The following NEO1 variants were observed in gnomAD, a reference collection of about 807,000 sequenced individuals.
NEO1 encodes the protein neogenin 1.
Under a neutral mutation model 159.7 loss-of-function variants are expected in NEO1, and 63 were observed. The ratio of observed to expected loss-of-function variants is 0.39; its 90% confidence interval spans 0.32 to 0.49. The LOEUF (loss-of-function observed/expected upper bound fraction) is 0.49, where lower values mean the gene tolerates loss of function less well. Among genes scored for constraint, NEO1 ranks in the 20% least tolerant of loss-of-function variants. The probability of loss-of-function intolerance (pLI) is 0.85; values close to 1 mark genes in which losing one functional copy is unlikely to be tolerated. For synonymous variants in NEO1, 633 were observed against 662.0 expected, an observed-to-expected ratio of 0.96 and a Z score of 0.67; for missense variants, 1,615 against 1,831.0, an observed-to-expected ratio of 0.88 and a Z score of 2.15.
At chr15:73,051,913 C>T (rs2151176407), upstream of NEO1, 1 of 152,676 alleles carries the variant, frequency 6.5e-6, no homozygotes, top group Non-Finnish European at 1.5e-5. Context: ...GAGGTGCGCG[C>T]CCACGCCGGC....
rs368756781 is a variant in NEO1, at chr15:73,222,403, G to A, written c.1292-13944G>A. Among the ~76,000 whole-genome samples the A allele has an allele frequency of 9.9e-5, 15 of 151,678 alleles. No individual in the cohort carries two copies. The East Asian group carries it at 1.9e-3, about 20-fold the overall frequency. On this transcript the variant is annotated intron_variant, in intron 7 of 28. Transcript: ENST00000261908. ...ACAGGTGTGAGCCACCGTGCCTGGC[G>A]GTAATTTTTAAATTACCATTTCAAT...
In NEO1 at chr15:73,270,152, G is replaced by T. The variant is rs770791311; in HGVS notation, c.2637G>T (p.Leu879=). ...GGATTACGTGGGCAGACAACTCGCT[G>T]CCCAAGCACCAGAAGATTACAGACT... ...TIRITWADNS[L]PKHQKITDSR... is the part of the protein sequence containing the mutation. Residue 879 remains leucine, a synonymous_variant, in exon 17 of 29, where the codon CTG becomes CTT. Coordinates refer to ENST00000261908, the MANE Select transcript of NEO1 (RefSeq NM_002499.4). 1.2e-6 allele frequency: 2 copies of T among 1,614,150 alleles called. No homozygotes were observed. The highest frequency in any genetic ancestry group is 3.3e-5 in the Admixed American group (2 of 60,002).
At chr15:73,134,322 C>CT (rs2031494393) in intron 4 of NEO1, among the ~76,000 whole-genome samples, 1 of 152,086 alleles carries the variant, frequency 6.6e-6, no homozygotes, top group Non-Finnish European at 1.5e-5. Context: ...TAGTCATGAC[C>CT]TTGCAGGGTC....
intron 8 of NEO1, among the ~76,000 whole-genome samples, chr15:73,243,328 G>T (rs2039587204): frequency 6.6e-6 from 1 of 152,092 alleles, no homozygotes; most frequent in Non-Finnish European, 1.5e-5. Flanking sequence ...ATTTTAATCT[G>T]CAATTTGAAG....
intron 8 of NEO1, 139 bp downstream of exon 8, chr15:73,236,645 G>C: frequency 1.3e-6 from 1 of 741,792 alleles, no homozygotes. Flanking sequence ...CCTAATTTTA[G>C]GTCATTAAAT....
chr15:73,078,769 C>T (rs1362175150), intron 1 of NEO1, among the ~76,000 whole-genome samples: 1 of 152,202 alleles, frequency 6.6e-6, no homozygotes, highest in Non-Finnish European at 1.5e-5. Context: ...TTTCTAAGGT[C>T]TTGGGGACCT....
rs1320379180 is a variant in NEO1 at position 73,189,441 on chromosome 15, T to C, written c.1291+11014T>C. 3.3e-5 allele frequency among the ~76,000 whole-genome samples: 5 copies of C among 152,252 alleles called. No individual in the cohort carries two copies. The East Asian group carries it at 9.6e-4, about 29-fold the overall frequency. On this transcript the variant is annotated intron_variant, in intron 7 of 28. Coordinates refer to ENST00000261908, the MANE Select transcript of NEO1 (RefSeq NM_002499.4). ...AGTTCAAAACCGGCTTGTTGAAGGA[T>C]CCACTGTAGTCTGTCTTTGCTCTTC...
intron 28 of NEO1, 26 bp downstream of exon 28, chr15:73,301,483 G>T: frequency 6.2e-7 from 1 of 1,613,964 alleles, no homozygotes; most frequent in Non-Finnish European, 8.5e-7. Context: ...CATCAGTCCA[G>T]CCAGATTGCC....
At position 73,302,594 on chromosome 15, in the gene NEO1, A is replaced by T; in HGVS notation, c.4303-19A>T. On this transcript the variant is annotated intron_variant, in intron 28 of 28. Coordinates refer to ENST00000261908, the MANE Select transcript of NEO1 (RefSeq NM_002499.4). ...TGCTCCCTGGATCCAGCCCAGTAACAGTGTTTTCTTTTCCATAGAGCTATG... is the reference window on the plus strand; with the variant it reads ...TGCTCCCTGGATCCAGCCCAGTAACTGTGTTTTCTTTTCCATAGAGCTATG... 1 of 1,610,842 alleles carries T rather than the reference A, an allele frequency of 6.2e-7. No individual in the cohort carries two copies.
chr15:73,288,164 G>A, intron 23 of NEO1, 149 bp from the exon 24 acceptor site: 1 of 672,454 alleles, frequency 1.5e-6, no homozygotes, highest in Non-Finnish European at 2.6e-6. Flanking sequence ...TGTTGTTGTT[G>A]TTGTTGTTGG....
chr15:73,165,996 G>T (rs1377061379), intron 5 of NEO1, among the ~76,000 whole-genome samples: 1 of 152,136 alleles, frequency 6.6e-6, no homozygotes, highest in Non-Finnish European at 1.5e-5. Context: ...TATCTGTGTG[G>T]CTGTGGACAT....
intron 7 of NEO1, among the ~76,000 whole-genome samples, chr15:73,205,294 G>A (rs2037146259): frequency 6.6e-6 from 1 of 152,098 alleles, no homozygotes; most frequent in Non-Finnish European, 1.5e-5. Flanking sequence ...GTCCTCTCTT[G>A]ACTATGGGTT....
At chr15:73,274,894 G>A (rs968913886) in intron 21 of NEO1, among the ~76,000 whole-genome samples, 170 bp downstream of exon 21, 4 of 151,878 alleles carry the variant, frequency 2.6e-5, no homozygotes, top group African/African-American at 7.3e-5. Flanking sequence ...AAAAGCTGGG[G>A]AATTTATGTA....
intron 28 of NEO1, chr15:73,301,682 T>G: frequency 5.4e-6 from 3 of 556,438 alleles, no homozygotes; most frequent in Admixed American, 6.3e-5. Flanking sequence ...TCTTTTTTTT[T>G]TTTGAGACAG....
intron 4 of NEO1, among the ~76,000 whole-genome samples, chr15:73,134,700 C>G (rs2031547782): frequency 6.6e-6 from 1 of 152,022 alleles, no homozygotes; most frequent in African/African-American, 2.4e-5. Flanking sequence ...CAGGCATGCA[C>G]CACCACGCCT....
chr15:73,058,248 T>G (rs2067812117), intron 1 of NEO1, among the ~76,000 whole-genome samples: 1 of 152,188 alleles, frequency 6.6e-6, no homozygotes, highest in African/African-American at 2.4e-5. Flanking sequence ...TGTGCCATGC[T>G]CTTTCACATG....
intron 22 of NEO1, among the ~76,000 whole-genome samples, chr15:73,282,262 G>A (rs763317726): frequency 2.0e-5 from 3 of 151,952 alleles, no homozygotes; most frequent in African/African-American, 4.8e-5. Flanking sequence ...TTTTCACACC[G>A]TTAGTTATTA....
At chr15:73,253,373 A>G in intron 11 of NEO1, 27 bp from the exon 12 acceptor site, 1 of 1,152,178 alleles carries the variant, frequency 8.7e-7, no homozygotes. Context: ...TAAAAAAAAA[A>G]TTTTTTTTTT....
chr15:73,291,677 A>G (rs2042170926), intron 25 of NEO1, among the ~76,000 whole-genome samples: 1 of 152,168 alleles, frequency 6.6e-6, no homozygotes, highest in Non-Finnish European at 1.5e-5. Context: ...GGCTCCATCC[A>G]GGGCCATGCA....
Sources: allele counts gnomAD v4.1 joint callset (sites outside exome capture counted in the v4.1 genomes callset), GRCh38; gene constraint gnomAD v4.1.1; transcripts MANE v1.5; gene names NCBI Gene and HGNC (gene_info 2026-07-23, HGNC 2026-07-21).